CLIP2: variants seen among roughly 807,000 people sequenced by gnomAD.
The protein encoded by CLIP2 is CAP-Gly domain-containing linker protein 2.
A neutral mutation model predicts 111.7 loss-of-function variants in CLIP2; 41 were observed. The ratio of observed to expected loss-of-function variants is 0.37; its 90% confidence interval spans 0.29 to 0.48. The LOEUF is 0.48. Ranked by LOEUF, CLIP2 falls within the 20% of genes least tolerant of loss-of-function variation. The pLI is 0.99. For missense variants in CLIP2, 1,160 were observed against 1,422.1 expected (o/e 0.82, Z 2.96); for synonymous variants, 660 against 644.2 (o/e 1.02, Z -0.37).
chr7:74,369,468 A>C (rs1790545902), intron 8 of CLIP2, among the ~76,000 whole-genome samples: 1 of 151,982 alleles, frequency 6.6e-6, no homozygotes, highest in South Asian at 2.1e-4. Flanking sequence ...CTTTGAGTCC[A>C]GGAGGTTGAG....
At chr7:74,310,660 CAT>C (rs782051485) in intron 1 of CLIP2, among the ~76,000 whole-genome samples, 6 of 151,884 alleles carry the variant, frequency 4.0e-5, no homozygotes, top group Non-Finnish European at 7.4e-5. Flanking sequence ...TCTATGGACA[CAT>C]ATTTTTGCTT....
intron 1 of CLIP2, among the ~76,000 whole-genome samples, chr7:74,300,310 A>C (rs1788296255): frequency 6.6e-6 from 1 of 151,506 alleles, no homozygotes; most frequent in Non-Finnish European, 1.5e-5. Context: ...TGTAGTCTCC[A>C]GCGTCTATTA....
chr7:74,293,608 T>G (rs1554725666), intron 1 of CLIP2, among the ~76,000 whole-genome samples: 1 of 152,052 alleles, frequency 6.6e-6, no homozygotes, highest in Non-Finnish European at 1.5e-5. Flanking sequence ...GTTGGCTGCA[T>G]TGATGATGAA....
intron 1 of CLIP2, among the ~76,000 whole-genome samples, chr7:74,308,536 G>A (rs782499188): frequency 6.6e-6 from 1 of 151,962 alleles, no homozygotes; most frequent in African/African-American, 2.4e-5. Context: ...ATGGAGTCTC[G>A]CTTTGTTGCC....
intron 2 of CLIP2, among the ~76,000 whole-genome samples, chr7:74,319,532 AAG>A (rs1788885990): frequency 6.6e-6 from 1 of 151,944 alleles, no homozygotes. Flanking sequence ...TAAAGAAAGA[AAG>A]AGAAGCCAGC....
chr7:74,384,207 A>C (rs1040543214), intron 11 of CLIP2, among the ~76,000 whole-genome samples: 2 of 151,990 alleles, frequency 1.3e-5, no homozygotes, highest in Admixed American at 6.6e-5. Flanking sequence ...AACAACGACA[A>C]CAAAACAAAA....
At position 74,353,805 on chromosome 7, in the gene CLIP2, C is replaced by T. The variant is rs1487132374; in HGVS notation, c.679-75C>T. The T allele has an allele frequency of 1.9e-6, 3 of 1,598,866 alleles. No homozygotes were observed. The East Asian group carries it at 6.7e-5, about 36-fold the overall frequency. On this transcript the variant is annotated intron_variant, in intron 3 of 16. Transcript: ENST00000223398. ...GCTGGAAGGGATGGATGGGATAAGC[C>T]TGGGCTGGGTGCCCCTGCCATCTCT...
intron 8 of CLIP2, among the ~76,000 whole-genome samples, chr7:74,371,895 TG>T (rs1307419696): frequency 2.0e-5 from 3 of 152,162 alleles, no homozygotes; most frequent in African/African-American, 7.2e-5. Context: ...AATCAGGTGA[TG>T]TCCGTTTACA....
chr7:74,386,155 C>T (rs1313514411), intron 11 of CLIP2, among the ~76,000 whole-genome samples: 8 of 151,488 alleles, frequency 5.3e-5, no homozygotes, highest in Admixed American at 5.3e-4. Context: ...TCAAACGATT[C>T]TCCTGCCTCA....
chr7:74,290,314 G>A (rs574006961), intron 1 of CLIP2, among the ~76,000 whole-genome samples: 1 of 152,360 alleles, frequency 6.6e-6, no homozygotes, highest in East Asian at 1.9e-4. Flanking sequence ...GGGGTAGGAG[G>A]AGATTGAGGC....
intron 1 of CLIP2, among the ~76,000 whole-genome samples, chr7:74,295,924 GTC>G (rs1788153697): frequency 7.0e-6 from 1 of 143,028 alleles, no homozygotes; most frequent in African/African-American, 2.6e-5. Flanking sequence ...AGGAGTTTGA[GTC>G]TGCAATGAGC....
intron 1 of CLIP2, among the ~76,000 whole-genome samples, chr7:74,316,870 G>T (rs1788790171): frequency 6.6e-6 from 1 of 151,850 alleles, no homozygotes; most frequent in Non-Finnish European, 1.5e-5. Context: ...CCCCTTTTAG[G>T]GCTTTTAATG....
chr7:74,332,460 CTTTTTTTT>C (rs386410474), intron 2 of CLIP2, among the ~76,000 whole-genome samples: 1 of 110,324 alleles, frequency 9.1e-6, no homozygotes, highest in Non-Finnish European at 1.8e-5. Flanking sequence ...CTAGAATTCT[CTTTTTTTT>C]TTTTTTTTTT....
intron 14 of CLIP2, among the ~76,000 whole-genome samples, 185 bp from the exon 15 acceptor site, chr7:74,400,185 G>C (rs1791580146): frequency 6.6e-6 from 1 of 151,520 alleles, no homozygotes; most frequent in Non-Finnish European, 1.5e-5. Context: ...AGAGGGATGG[G>C]GTCCTGGGTT....
intron 3 of CLIP2, among the ~76,000 whole-genome samples, chr7:74,341,325 C>T (rs1401320682): frequency 6.6e-6 from 1 of 152,002 alleles, no homozygotes; most frequent in Admixed American, 6.6e-5. Context: ...GTAGCTGGGG[C>T]TACAGGCACG....
chr7:74,368,336 T>A (rs1472057989), intron 8 of CLIP2, among the ~76,000 whole-genome samples: 1 of 151,878 alleles, frequency 6.6e-6, no homozygotes, highest in Non-Finnish European at 1.5e-5. Context: ...ACCAACATAG[T>A]GAAACCCCGT....
intron 2 of CLIP2, among the ~76,000 whole-genome samples, chr7:74,325,365 G>A (rs782162040): frequency 1.3e-5 from 2 of 152,154 alleles, no homozygotes; most frequent in African/African-American, 4.8e-5. Context: ...GCAGCGTGGC[G>A]AGGGACAGCC....
At chr7:74,400,245 G>A in intron 14 of CLIP2, 125 bp from the exon 15 acceptor site, 1 of 803,786 alleles carries the variant, frequency 1.2e-6, no homozygotes, top group Non-Finnish European at 1.9e-6. Context: ...GGGACCTCTG[G>A]GTGATGCCCA....
chr7:74,331,243 G>A (rs1187740632), intron 2 of CLIP2, among the ~76,000 whole-genome samples: 2 of 143,092 alleles, frequency 1.4e-5, no homozygotes, highest in African/African-American at 5.2e-5. Context: ...AAATTCAGGT[G>A]AGCCTCTGAG....
Sources: gnomAD v4.1 joint callset for allele counts (sites outside exome capture counted in the v4.1 genomes callset) on GRCh38, gnomAD v4.1.1 for gene constraint, MANE v1.5 for transcripts, NCBI Gene and HGNC (gene_info 2026-07-23, HGNC 2026-07-21) for gene names.